The following PLEKHA2 variants were observed in gnomAD, a reference collection of about 807,000 sequenced individuals.
PLEKHA2 encodes the protein pleckstrin homology domain-containing family A member 2.
PLEKHA2 carries 28 observed loss-of-function variants against 53.2 expected under a neutral mutation model. That is an observed-to-expected ratio of 0.53 (90% CI 0.39 to 0.72). The LOEUF (loss-of-function observed/expected upper bound fraction) is 0.72, where lower values mean the gene tolerates loss of function less well. PLEKHA2 is among the 30% of genes least tolerant of loss of function. PLEKHA2 has a pLI of 0.00. For missense variants in PLEKHA2, 426 were observed against 537.9 expected, an observed-to-expected ratio of 0.79 and a Z score of 2.06; for synonymous variants, 193 against 196.4, an observed-to-expected ratio of 0.98 and a Z score of 0.14.
At chr8:38,940,223 C>T (rs1834578332) in intron 3 of PLEKHA2, among the ~76,000 whole-genome samples, 2 of 152,104 alleles carry the variant, frequency 1.3e-5, no homozygotes, top group South Asian at 2.1e-4. Context: ...CATGGCGAAA[C>T]CCCATCTCTA....
chr8:38,903,033 G>A (rs1159850414), intron 1 of PLEKHA2, among the ~76,000 whole-genome samples: 1 of 152,172 alleles, frequency 6.6e-6, no homozygotes, highest in Non-Finnish European at 1.5e-5. Flanking sequence ...ACATGTACCA[G>A]GTGCTAAGTA....
At chr8:38,929,849 T>G (rs1588248199) in intron 2 of PLEKHA2, among the ~76,000 whole-genome samples, 1 of 152,134 alleles carries the variant, frequency 6.6e-6, no homozygotes, top group African/African-American at 2.4e-5. Context: ...ACAGGACCTT[T>G]GAGTGCTGAC....
chr8:38,938,959 A>G (rs1834548677), intron 3 of PLEKHA2, among the ~76,000 whole-genome samples: 1 of 150,622 alleles, frequency 6.6e-6, no homozygotes. Context: ...GCTGGAGTGC[A>G]ATGGTGCAAT....
intron 10 of PLEKHA2, among the ~76,000 whole-genome samples, chr8:38,958,082 TG>T (rs1286631911): frequency 1.1e-4 from 17 of 152,270 alleles, no homozygotes; most frequent in Non-Finnish European, 2.4e-4. Context: ...CCCAGCATTT[TG>T]GGAGGCCGAG....
chr8:38,916,696 A>G (rs1212103626), intron 1 of PLEKHA2, among the ~76,000 whole-genome samples: 1 of 152,172 alleles, frequency 6.6e-6, no homozygotes, highest in African/African-American at 2.4e-5. Flanking sequence ...GTTGCTTCCA[A>G]ATCTTGGCTA....
At chr8:38,940,859 C>T (rs1179526007) in intron 3 of PLEKHA2, among the ~76,000 whole-genome samples, 1 of 151,440 alleles carries the variant, frequency 6.6e-6, no homozygotes, top group Admixed American at 6.6e-5. Context: ...CCTCACATCT[C>T]AAAATGTACA....
At chr8:38,909,335 G>T (rs73674618) in intron 1 of PLEKHA2, among the ~76,000 whole-genome samples, 10,521 of 151,948 alleles carry the variant, frequency 0.069, 1,224 homozygotes, top group African/African-American at 0.24. Context: ...TTGCTTTCTT[G>T]TTATATATAT....
chr8:38,930,803 C>T (rs928074663), intron 2 of PLEKHA2, among the ~76,000 whole-genome samples: 4 of 152,288 alleles, frequency 2.6e-5, no homozygotes, highest in Non-Finnish European at 5.9e-5. Context: ...AGCCTTTTCT[C>T]TCACCAGCTG....
intron 10 of PLEKHA2, among the ~76,000 whole-genome samples, chr8:38,966,264 CTT>C (rs1479610582): frequency 7.1e-6 from 1 of 140,054 alleles, no homozygotes; most frequent in African/African-American, 2.7e-5. Context: ...GTTTTACTGT[CTT>C]TTCCTGATAG....
chr8:38,909,108 A>G (rs1481347587), intron 1 of PLEKHA2, among the ~76,000 whole-genome samples: 1 of 151,436 alleles, frequency 6.6e-6, no homozygotes, highest in Non-Finnish European at 1.5e-5. Flanking sequence ...GCGCCACTGC[A>G]CTCCAACCTG....
chr8:38,968,852 G>T, intron 11 of PLEKHA2, 183 bp downstream of exon 11: 1 of 568,020 alleles, frequency 1.8e-6, no homozygotes, highest in Non-Finnish European at 3.1e-6. Context: ...TTCTCTGTTT[G>T]GTTGTGGGAG....
intron 9 of PLEKHA2, among the ~76,000 whole-genome samples, chr8:38,956,421 T>C (rs540204892): frequency 6.6e-6 from 1 of 152,200 alleles, no homozygotes; most frequent in African/African-American, 2.4e-5. Context: ...GTGAGGTTGA[T>C]GGGGCTGCTG....
chr8:38,959,139 TA>T (rs537599415), intron 10 of PLEKHA2, among the ~76,000 whole-genome samples: 1,919 of 144,252 alleles, frequency 0.013, 21 homozygotes, highest in Admixed American at 0.02. Context: ...GAATACAAAA[TA>T]AAAAAAAAAA....
chr8:38,953,397 C>T (rs1213452426), intron 9 of PLEKHA2, 30 bp downstream of exon 9: 1 of 1,553,514 alleles, frequency 6.4e-7, no homozygotes, highest in Non-Finnish European at 8.9e-7. Context: ...CTCTTCTAAT[C>T]CAAACCTCCA....
chr8:38,951,804 T>A (rs1834848915), intron 6 of PLEKHA2, among the ~76,000 whole-genome samples: 1 of 152,250 alleles, frequency 6.6e-6, no homozygotes, highest in Admixed American at 6.5e-5. Flanking sequence ...ACTCCTGGGC[T>A]GAAGCCATCC....
chr8:38,932,105 C>T (rs960559016), intron 2 of PLEKHA2, among the ~76,000 whole-genome samples: 7 of 152,264 alleles, frequency 4.6e-5, no homozygotes, highest in South Asian at 2.1e-4. Context: ...ATCTTCCCAC[C>T]TCAGCTTCCC....
At chr8:38,917,332 G>A (rs1399160542) in intron 1 of PLEKHA2, among the ~76,000 whole-genome samples, 1 of 152,098 alleles carries the variant, frequency 6.6e-6, no homozygotes, top group Non-Finnish European at 1.5e-5. Context: ...GTGGGGTATT[G>A]TTCAAGAGCC....
chr8:38,953,152 T>TC (rs561939905), intron 8 of PLEKHA2, 145 bp from the exon 9 acceptor site: 14 of 724,118 alleles, frequency 1.9e-5, no homozygotes, highest in Middle Eastern at 2.9e-4. Flanking sequence ...GATTTTTTTT[T>TC]CTCTTGCTGA....
intron 2 of PLEKHA2, among the ~76,000 whole-genome samples, chr8:38,935,430 C>CT (rs879723172): frequency 0.045 from 6,391 of 141,646 alleles, 411 homozygotes; most frequent in African/African-American, 0.14. Flanking sequence ...GGAGCTTACA[C>CT]TTTTTTTTTT....
Sources: allele counts gnomAD v4.1 joint callset (sites outside exome capture counted in the v4.1 genomes callset), GRCh38; gene constraint gnomAD v4.1.1; transcripts MANE v1.5; gene names NCBI Gene and HGNC (gene_info 2026-07-23, HGNC 2026-07-21).